FSIP2: variants seen among roughly 807,000 people sequenced by gnomAD.
The protein encoded by FSIP2 is fibrous sheath interacting protein 2.
FSIP2 carries 367 observed loss-of-function variants against 510.5 expected under a neutral mutation model. The observed-to-expected ratio is 0.72, with a 90% CI of 0.66 to 0.78. The LOEUF is 0.78. Ranked by LOEUF, FSIP2 falls within the 30% of genes least tolerant of loss-of-function variation. FSIP2 has a pLI of 0.00. For missense variants in FSIP2, 7,594 were observed against 7,901.7 expected (o/e 0.96, Z 1.48); for synonymous variants, 2,601 against 2,732.2 (o/e 0.95, Z 1.50).
intron 21 of FSIP2, 51 bp downstream of exon 21, chr2:185,828,250 A>T (rs1433636560): frequency 1.0e-6 from 1 of 1,000,836 alleles, no homozygotes; most frequent in Non-Finnish European, 1.6e-6. Context: ...GCTAGTTCAG[A>T]ACAACTCAGT....
At chr2:185,783,874 ATCTT>A (rs1428177567) in intron 14 of FSIP2, 2 of 152,164 alleles carry the variant, frequency 1.3e-5, no homozygotes, top group Non-Finnish European at 2.9e-5. Flanking sequence ...AATCACTTGA[ATCTT>A]TCATAGCAAG....
chr2:185,763,878 A>G (rs1042568845), intron 12 of FSIP2, among the ~76,000 whole-genome samples: 2 of 151,664 alleles, frequency 1.3e-5, no homozygotes, highest in African/African-American at 4.8e-5. Flanking sequence ...TAAATTATGT[A>G]TAACTCCTAA....
In FSIP2 at chr2:185,789,414, GA is replaced by G; in HGVS notation, c.2282del (p.Asn761IlefsTer6). The part of the protein sequence containing the change: ...HIPSVASEIV[E>X]NMLEKLESAV... ...TCCCTCAGTTGCTTCTGAGATTGTG[GA>G]AAATATGCTTGAGAAGTTAGAGTCT... On this transcript the variant is annotated frameshift_variant, in exon 16 of 23. Transcript: ENST00000424728. LOFTEE classifies it high-confidence loss of function. 1 of 1,534,878 alleles carries G rather than the reference GA, an allele frequency of 6.5e-7. No individual in the cohort carries two copies. Among genetic ancestry groups the G allele is most frequent in the Non-Finnish European group, 8.7e-7 (1 of 1,145,926 alleles).
chr2:185,740,670 A>T (rs374655593), intron 2 of FSIP2, among the ~76,000 whole-genome samples: 8 of 152,202 alleles, frequency 5.3e-5, no homozygotes, highest in African/African-American at 1.9e-4. Context: ...CTGGAAGTCC[A>T]AGATCAGGAC....
At chr2:185,754,289 C>G (rs947430606) in intron 8 of FSIP2, among the ~76,000 whole-genome samples, 6 of 151,300 alleles carry the variant, frequency 4.0e-5, no homozygotes, top group African/African-American at 1.5e-4. Flanking sequence ...TTGTTATGCC[C>G]GGCCTCTACC....
intron 9 of FSIP2, among the ~76,000 whole-genome samples, chr2:185,759,538 T>A (rs1029715949): frequency 2.8e-5 from 4 of 144,958 alleles, no homozygotes; most frequent in African/African-American, 9.9e-5. Context: ...TTAACTTTTT[T>A]ATAATTATAA....
In FSIP2 at chr2:185,789,276, G is replaced by T. The variant is rs1559025043; in HGVS notation, c.2140G>T (p.Glu714Ter). ...TEVILESILR[E>*]IMSDLTQAIP... The stretch of plus-strand genomic sequence containing the variant: ...AGTGATTTTAGAAAGCATTTTGCGA[G>T]AAATAATGTCTGATTTAACCCAGGC... The change falls in exon 16 of 23, where the codon GAA becomes TAA. Residue 714 changes from glutamate (E) to a stop codon, truncating the protein, a stop_gained. Transcript: ENST00000424728. LOFTEE classifies it high-confidence loss of function. The T allele has an allele frequency of 6.5e-7, 1 of 1,534,664 alleles. No homozygotes were observed. The highest frequency in any genetic ancestry group is 2.0e-5 in the Admixed American group (1 of 50,872).
At chr2:185,783,978 A>C (rs1032016221) in intron 14 of FSIP2, 1 of 152,170 alleles carries the variant, frequency 6.6e-6, no homozygotes, top group East Asian at 1.9e-4. Context: ...CACTGCTCCA[A>C]GAGCATACAC....
intron 13 of FSIP2, among the ~76,000 whole-genome samples, chr2:185,780,404 CTT>C (rs1692820513): frequency 6.6e-6 from 1 of 151,626 alleles, no homozygotes; most frequent in Non-Finnish European, 1.5e-5. Context: ...CTAATTCTCT[CTT>C]TAGTTATTTA....
Position 185,794,764 on chromosome 2 carries a change from T to C in FSIP2, c.7628T>C (p.Val2543Ala). 1 of 1,534,256 alleles carries C rather than the reference T, an allele frequency of 6.5e-7. No homozygotes were observed. The highest frequency in any genetic ancestry group is 8.7e-7 in the Non-Finnish European group (1 of 1,145,652). The change falls in exon 16 of 23, where the codon GTT becomes GCT. Residue 2543 changes from valine (V) to alanine (A), a missense_variant. Transcript: ENST00000424728. ...SHINSVANDI[V>A]ESVLGKMYLV... ...ATTAACAGTGTAGCAAATGACATAG[T>C]TGAAAGTGTTTTGGGGAAAATGTAC... is the stretch of plus-strand genomic sequence containing the variant.
At position 185,806,913 on chromosome 2, in the gene FSIP2, G is replaced by T. The variant is rs1693595207; in HGVS notation, c.17607G>T (p.Arg5869Ser). Reference protein sequence around the residue: ...KVSSVPKVPPRYKEPTTDEAP... With the variant: ...KVSSVPKVPPSYKEPTTDEAP... ...CTTCAGTTCCTAAAGTACCTCCAAG[G>T]TATAAAGAGCCAACTACAGATGAAG... is the stretch of plus-strand genomic sequence containing the variant. Residue 5869 changes from arginine (R) to serine (S), a missense_variant, in exon 17 of 23, where the codon AGG becomes AGT. Arg to Ser is a moderately radical substitution (Grantham distance 110). Coordinates refer to ENST00000424728, the MANE Select transcript of FSIP2 (RefSeq NM_173651.4). The T allele has an allele frequency of 6.2e-7, 1 of 1,611,114 alleles. No homozygotes were observed. Among genetic ancestry groups the T allele is most frequent in the African/African-American group, 1.3e-5 (1 of 74,712 alleles).
Position 185,793,728 on chromosome 2 carries a change from T to A in FSIP2, c.6592T>A (p.Cys2198Ser). 2 of 1,534,554 alleles carry A rather than the reference T, an allele frequency of 1.3e-6. No individual in the cohort carries two copies. Among genetic ancestry groups the A allele is most frequent in the Non-Finnish European group, 1.7e-6 (2 of 1,145,792 alleles). The change falls in exon 16 of 23, where the codon TGT becomes AGT. Residue 2198 changes from cysteine to serine, a missense_variant. Transcript: ENST00000424728. The stretch of plus-strand genomic sequence containing the variant: ...TTGTGATACGTTTCCAAAAATAGAC[T>A]GTCAACAGCCTCTTAAGGGGTCAAA... The part of the protein sequence containing the change: ...TFCDTFPKID[C>S]QQPLKGSKTE...
chr2:185,805,926 T>G lies in FSIP2; in HGVS notation c.16620T>G (p.Thr5540=), dbSNP rs751696774. The stretch of plus-strand genomic sequence containing the variant: ...ATAGTGAGAATGTATCAAAAGTTAC[T>G]TCAACTACCACTGTGAAAAGTAAAG... ...QKHSENVSKV[T]STTTVKSKDT... Residue 5540 remains threonine, a synonymous_variant, in exon 17 of 23, where the codon ACT becomes ACG. Coordinates refer to ENST00000424728, the MANE Select transcript of FSIP2 (RefSeq NM_173651.4). 6.3e-7 allele frequency: 1 copy of G among 1,595,098 alleles called. No homozygotes were observed. The highest frequency in any genetic ancestry group is 1.2e-5 in the South Asian group (1 of 86,636).
rs1371091856 is a variant in FSIP2 at position 185,745,544 on chromosome 2, A to AC, written c.595dup (p.Gln199ProfsTer8). On this transcript the variant is annotated frameshift_variant, in exon 5 of 23. Coordinates refer to ENST00000424728, the MANE Select transcript of FSIP2 (RefSeq NM_173651.4). LOFTEE classifies it high-confidence loss of function. ...AAGGAGGGCACTGAATCTATTAAGG[A>AC]CCAGGAGCGGCTGATGAGGCATAGG... is the stretch of plus-strand genomic sequence containing the variant. 1.3e-6 allele frequency: 2 copies of AC among 1,535,126 alleles called. No homozygotes were observed. Among genetic ancestry groups the AC allele is most frequent in the Non-Finnish European group, 1.7e-6 (2 of 1,146,338 alleles).
intron 19 of FSIP2, among the ~76,000 whole-genome samples, chr2:185,820,352 GT>G (rs1029461092): frequency 6.6e-6 from 1 of 151,794 alleles, no homozygotes; most frequent in Non-Finnish European, 1.5e-5. Flanking sequence ...ATACAGAACT[GT>G]GACTCAATTA....
At chr2:185,813,034 T>G (rs1459162287) in intron 17 of FSIP2, among the ~76,000 whole-genome samples, 2 of 152,074 alleles carry the variant, frequency 1.3e-5, no homozygotes, top group Non-Finnish European at 2.9e-5. Context: ...TGAAGAATCT[T>G]TTGGGAAATA....
In FSIP2 at chr2:185,804,057, T is replaced by G; in HGVS notation, c.14751T>G (p.Thr4917=). 6.6e-7 allele frequency: 1 copy of G among 1,518,478 alleles called. No individual in the cohort carries two copies. The highest frequency in any genetic ancestry group is 2.0e-5 in the Admixed American group (1 of 48,920). The allele number at this position is 1,518,478 out of a possible 1,614,324, so 94.1% of individuals were successfully genotyped here. A position where few individuals can be genotyped will look rare whatever the true frequency, so the allele number is the denominator to read the frequency against. The change falls in exon 17 of 23, where the codon ACT becomes ACG. Residue 4917 remains threonine, a synonymous_variant. Coordinates refer to ENST00000424728, the MANE Select transcript of FSIP2 (RefSeq NM_173651.4). ...HIQSFLSEDK[T]LLLAAVDQTY... ...AATCATTTTTATCTGAAGATAAAAC[T>G]CTCCTTTTGGCAGCAGTTGATCAAA...
intron 3 of FSIP2, 85 bp downstream of exon 3, chr2:185,743,379 C>G (rs1008088111): frequency 1.3e-6 from 1 of 789,034 alleles, no homozygotes; most frequent in Non-Finnish European, 1.8e-6. Flanking sequence ...ACTCGGGGGG[C>G]CTGTGTCACT....
At position 185,795,987 on chromosome 2, in the gene FSIP2, C is replaced by T. The variant is rs1693263236; in HGVS notation, c.8851C>T (p.His2951Tyr). ...SEETLSNSKE[H>Y]ITAKSKYGFP... is the part of the protein sequence containing the mutation. Reference sequence around the variant, plus strand: ...AGAAACTCTATCAAACAGTAAAGAACACATTACTGCTAAAAGTAAATATGG... The same window carrying T: ...AGAAACTCTATCAAACAGTAAAGAATACATTACTGCTAAAAGTAAATATGG... The change falls in exon 16 of 23, where the codon CAC (histidine) becomes TAC (tyrosine). Residue 2951 changes from histidine to tyrosine, a missense_variant. Transcript: ENST00000424728. 1 of 1,534,442 alleles carries T rather than the reference C, an allele frequency of 6.5e-7. No homozygotes were observed. Among genetic ancestry groups the T allele is most frequent in the Non-Finnish European group, 8.7e-7 (1 of 1,145,808 alleles).
Sources: gnomAD v4.1 joint callset for allele counts (sites outside exome capture counted in the v4.1 genomes callset) on GRCh38, gnomAD v4.1.1 for gene constraint, MANE v1.5 for transcripts, NCBI Gene and HGNC (gene_info 2026-07-23, HGNC 2026-07-21) for gene names.